Variants in RARB observed in about 807,000 individuals in gnomAD.
The protein encoded by RARB is retinoic acid receptor beta.
In RARB, 17 loss-of-function variants were observed where a neutral mutation model predicts 51.9. That is an observed-to-expected ratio of 0.33 (90% CI 0.22 to 0.49). RARB has a LOEUF of 0.49. Among genes scored for constraint, RARB ranks in the 20% least tolerant of loss-of-function variants. The pLI, the probability that RARB is intolerant of heterozygous loss-of-function variation, is 0.99. For synonymous variants in RARB, 215 were observed against 195.4 expected (o/e 1.10, Z -0.84); for missense variants, 369 against 550.8 (o/e 0.67, Z 3.30).
At chr3:24,973,860 T>C (rs990470137) in intron 2 of RARB, among the ~76,000 whole-genome samples, 1 of 152,090 alleles carries the variant, frequency 6.6e-6, no homozygotes, top group Non-Finnish European at 1.5e-5. Flanking sequence ...GTGGAGCCTT[T>C]AGATTTTTTA....
intron 2 of RARB, among the ~76,000 whole-genome samples, chr3:25,018,810 A>T (rs1241857159): frequency 6.6e-6 from 1 of 152,210 alleles, no homozygotes; most frequent in Non-Finnish European, 1.5e-5. Context: ...TTCTACCTCC[A>T]TTATATTGCC....
chr3:25,118,332 A>G (rs1019253863), intron 3 of RARB, among the ~76,000 whole-genome samples: 2 of 152,154 alleles, frequency 1.3e-5, no homozygotes, highest in African/African-American at 4.8e-5. Context: ...GATGTGGTCC[A>G]GATTTGTCAC....
At chr3:24,904,917 A>C (rs1694822223) in intron 2 of RARB, among the ~76,000 whole-genome samples, 2 of 152,244 alleles carry the variant, frequency 1.3e-5, no homozygotes, top group Non-Finnish European at 2.9e-5. Context: ...CAGGAACAAA[A>C]AACCAAACAC....
intron 4 of RARB, among the ~76,000 whole-genome samples, chr3:25,156,725 C>T (rs1214661898): frequency 6.6e-6 from 1 of 151,902 alleles, no homozygotes; most frequent in Admixed American, 6.6e-5. Flanking sequence ...ATAAGATGTC[C>T]AAGGCTGTAT....
chr3:25,423,538 A>G (rs1209235325), upstream of RARB, among the ~76,000 whole-genome samples: 3 of 152,240 alleles, frequency 2.0e-5, no homozygotes, highest in Non-Finnish European at 4.4e-5. Context: ...AAAAAAATAT[A>G]CAGATCTATG....
At chr3:24,909,354 T>C (rs1260848481) in intron 2 of RARB, among the ~76,000 whole-genome samples, 1 of 152,186 alleles carries the variant, frequency 6.6e-6, no homozygotes, top group Admixed American at 6.5e-5. Context: ...GATTGGTAAA[T>C]AGAGCAATAT....
chr3:25,340,720 G>T (rs1705202684), intron 5 of RARB, among the ~76,000 whole-genome samples: 1 of 152,196 alleles, frequency 6.6e-6, no homozygotes, highest in Non-Finnish European at 1.5e-5. Context: ...ATTTTAGGGG[G>T]AAGCTCTGTC....
At chr3:24,850,558 G>A (rs1702542584) in intron 1 of RARB, among the ~76,000 whole-genome samples, 1 of 152,154 alleles carries the variant, frequency 6.6e-6, no homozygotes, top group African/African-American at 2.4e-5. Flanking sequence ...AATAGGGAGT[G>A]GCTTTAGCAT....
rs1252198282 is a variant in RARB at position 24,989,438 on chromosome 3, A to AT, written c.-379-70683dup. 2.6e-5 allele frequency among the ~76,000 whole-genome samples: 3 copies of AT among 113,840 alleles called. 1 individual carries two copies. The highest frequency in any genetic ancestry group is 3.6e-5 in the Non-Finnish European group (2 of 54,814). The allele number at this position is 113,840 out of a possible 152,430, so 74.7% of individuals were successfully genotyped here. A position where few individuals can be genotyped will look rare whatever the true frequency, so the allele number is the denominator to read the frequency against. ...TTTTCTCTCTAATATTGTAATATCG[A>AT]TTTTCACTCCCACCAGCAATATACT... On this transcript the variant is annotated intron_variant, in intron 2 of 11. Transcript: ENST00000383772.
intron 2 of RARB, among the ~76,000 whole-genome samples, chr3:25,471,598 GTT>G (rs34752259): frequency 1.2e-4 from 17 of 141,994 alleles, no homozygotes; most frequent in African/African-American, 3.2e-4. Context: ...AACTCTGCGT[GTT>G]TTTTTTTTTT....
chr3:24,975,134 TA>T (rs1415756268), intron 2 of RARB, among the ~76,000 whole-genome samples: 1 of 152,184 alleles, frequency 6.6e-6, no homozygotes, highest in South Asian at 2.1e-4. Flanking sequence ...TAGTATGGCA[TA>T]AGGATTTGGG....
chr3:24,965,478 C>G (rs1696235493), intron 2 of RARB, among the ~76,000 whole-genome samples: 1 of 152,092 alleles, frequency 6.6e-6, no homozygotes, highest in Non-Finnish European at 1.5e-5. Context: ...GATTTGGAAT[C>G]AGAGAACCAT....
chr3:24,927,943 C>A (rs1695355596), intron 2 of RARB, among the ~76,000 whole-genome samples: 1 of 152,042 alleles, frequency 6.6e-6, no homozygotes, highest in Admixed American at 6.6e-5. Flanking sequence ...CCCTGTAATG[C>A]AGATGTATTC....
chr3:25,185,013 T>A (rs1441716580), intron 5 of RARB, among the ~76,000 whole-genome samples: 1 of 152,230 alleles, frequency 6.6e-6, no homozygotes, highest in Non-Finnish European at 1.5e-5. Context: ...AGGACAATCA[T>A]TCCATTAATT....
intron 2 of RARB, among the ~76,000 whole-genome samples, chr3:25,464,584 C>T (rs901018735): frequency 6.6e-6 from 1 of 151,540 alleles, no homozygotes; most frequent in Non-Finnish European, 1.5e-5. Context: ...AATACAGTGA[C>T]AAAATTCACA....
chr3:25,355,304 G>C (rs1705700972), intron 5 of RARB, among the ~76,000 whole-genome samples: 1 of 151,978 alleles, frequency 6.6e-6, no homozygotes, highest in African/African-American at 2.4e-5. Context: ...TTTTTTGTTT[G>C]AGGGGATTTA....
At chr3:25,210,977 A>G (rs188828975) in intron 5 of RARB, among the ~76,000 whole-genome samples, 3 of 152,110 alleles carry the variant, frequency 2.0e-5, no homozygotes, top group East Asian at 1.9e-4. Flanking sequence ...TGAGTATATT[A>G]CCCTTCTGTG....
At chr3:25,115,615 T>A (rs1053049852) in intron 3 of RARB, among the ~76,000 whole-genome samples, 2 of 151,624 alleles carry the variant, frequency 1.3e-5, no homozygotes, top group African/African-American at 2.4e-5. Context: ...TTTCTTTCTC[T>A]TCCTTTTTCT....
intron 5 of RARB, among the ~76,000 whole-genome samples, chr3:25,409,852 T>C (rs1346099897): frequency 6.6e-6 from 1 of 152,246 alleles, no homozygotes; most frequent in Non-Finnish European, 1.5e-5. Context: ...GTCTTACTTT[T>C]ACCTCCCAGG....
Sources: allele counts gnomAD v4.1 joint callset (sites outside exome capture counted in the v4.1 genomes callset), GRCh38; gene constraint gnomAD v4.1.1; transcripts MANE v1.5; gene names NCBI Gene and HGNC (gene_info 2026-07-23, HGNC 2026-07-21).